The following STPG2 variants were observed in gnomAD, a reference collection of about 807,000 sequenced individuals.
STPG2 encodes sperm-tail PG-rich repeat-containing protein 2.
A neutral mutation model predicts 54.2 loss-of-function variants in STPG2; 56 were observed. The observed-to-expected ratio is 1.03, with a 90% confidence interval of 0.83 to 1.29. The LOEUF (loss-of-function observed/expected upper bound fraction) is 1.29. Ranked by LOEUF, STPG2 falls within the 50% of genes most tolerant of loss-of-function variation. The probability of loss-of-function intolerance (pLI) is 0.00; values close to 1 mark genes in which losing one functional copy is unlikely to be tolerated. For synonymous variants in STPG2, 200 were observed against 181.8 expected (o/e 1.10, Z -0.81); for missense variants, 596 against 544.9 (o/e 1.09, Z -0.93).
At chr4:97,464,726 T>C (rs1184578330) in intron 4 of STPG2, among the ~76,000 whole-genome samples, 1 of 152,166 alleles carries the variant, frequency 6.6e-6, no homozygotes, top group Non-Finnish European at 1.5e-5. Flanking sequence ...GCCTGGTACA[T>C]GTCACCATAT....
intron 4 of STPG2, among the ~76,000 whole-genome samples, chr4:97,544,401 A>C (rs1269483502): frequency 6.6e-6 from 1 of 152,054 alleles, no homozygotes; most frequent in East Asian, 1.9e-4. Context: ...TAAAAAATGG[A>C]CCATAGGAAT....
intron 8 of STPG2, among the ~76,000 whole-genome samples, chr4:97,862,584 C>A (rs1403913727): frequency 6.6e-6 from 1 of 152,054 alleles, no homozygotes; most frequent in South Asian, 2.1e-4. Context: ...TTCAGCTCTG[C>A]ACCAAGCAGA....
chr4:98,134,597 T>G (rs975142163), intron 1 of STPG2, 138 bp from the exon 2 acceptor site: 6 of 358,068 alleles, frequency 1.7e-5, no homozygotes, highest in African/African-American at 1.3e-4. Flanking sequence ...TCAGAGAAGT[T>G]ATTACATTTT....
At chr4:97,442,228 T>G (rs1370701478) in intron 4 of STPG2, among the ~76,000 whole-genome samples, 1 of 145,448 alleles carries the variant, frequency 6.9e-6, no homozygotes, top group African/African-American at 2.6e-5. Context: ...TTTTTTTTTG[T>G]TTTTTTTTTA....
chr4:97,642,115 T>C (rs1364356125), intron 10 of STPG2, among the ~76,000 whole-genome samples: 1 of 151,428 alleles, frequency 6.6e-6, no homozygotes, highest in African/African-American at 2.4e-5. Flanking sequence ...CTATGCAACA[T>C]AAACAGATCC....
chr4:97,765,912 T>C (rs1030032021), intron 9 of STPG2, among the ~76,000 whole-genome samples: 3 of 152,100 alleles, frequency 2.0e-5, no homozygotes, highest in Non-Finnish European at 4.4e-5. Context: ...AGTATTCTTA[T>C]CATGTCAAAT....
At chr4:97,466,973 C>A (rs895114295) in intron 4 of STPG2, among the ~76,000 whole-genome samples, 1 of 151,724 alleles carries the variant, frequency 6.6e-6, no homozygotes, top group East Asian at 1.9e-4. Context: ...TAGTCAAAAC[C>A]GACAAATGTG....
chr4:97,933,459 A>G (rs1732626622), intron 8 of STPG2, among the ~76,000 whole-genome samples: 2 of 152,090 alleles, frequency 1.3e-5, no homozygotes, highest in Non-Finnish European at 2.9e-5. Context: ...CCAGAATGTT[A>G]TTGCCTAGAT....
At chr4:98,020,282 G>T (rs1213574419) in intron 5 of STPG2, among the ~76,000 whole-genome samples, 1 of 130,990 alleles carries the variant, frequency 7.6e-6, no homozygotes, top group African/African-American at 3.0e-5. Flanking sequence ...TAATCATGTG[G>T]TTTTTGTCTT....
At chr4:97,578,583 A>C (rs566447668) in intron 10 of STPG2, among the ~76,000 whole-genome samples, 1 of 151,926 alleles carries the variant, frequency 6.6e-6, no homozygotes, top group East Asian at 1.9e-4. Context: ...ACTTGGTGTG[A>C]AAACAAACCC....
intron 10 of STPG2, among the ~76,000 whole-genome samples, chr4:97,584,116 C>A (rs760161170): frequency 4.0e-5 from 6 of 151,884 alleles, no homozygotes; most frequent in Admixed American, 6.6e-5. Context: ...CCCCAAGATA[C>A]ACCACATGAT....
chr4:98,101,028 T>C (rs556390515), intron 5 of STPG2, among the ~76,000 whole-genome samples: 1 of 150,774 alleles, frequency 6.6e-6, no homozygotes, highest in African/African-American at 2.4e-5. Flanking sequence ...GTTATTTTCC[T>C]TGGACCTTTA....
intron 10 of STPG2, among the ~76,000 whole-genome samples, chr4:97,567,416 A>T (rs1732481610): frequency 6.7e-6 from 1 of 149,564 alleles, no homozygotes; most frequent in Admixed American, 6.7e-5. Context: ...GCAATATCTA[A>T]CAATACTATA....
rs144076057 is a variant in STPG2 at position 97,618,081 on chromosome 4, A to G, written c.1321-58964T>C. On this transcript the variant is annotated intron_variant, in intron 10 of 10. Transcript: ENST00000295268. ...TGCAATATGAACTTGTCAATCCTCC[A>G]CTGAGTTGGAGTTTAACTTCCCTGC... 5.8e-3 allele frequency among the ~76,000 whole-genome samples: 882 copies of G among 152,212 alleles called. 6 individuals carry two copies. Among genetic ancestry groups the G allele is most frequent in the Non-Finnish European group, 8.7e-3 (589 of 68,002 alleles).
chr4:98,129,340 T>C (rs1369710556), intron 2 of STPG2, among the ~76,000 whole-genome samples: 1 of 152,214 alleles, frequency 6.6e-6, no homozygotes, highest in Non-Finnish European at 1.5e-5. Context: ...CCTTCCCAGC[T>C]CCTGACTTTT....
intron 5 of STPG2, among the ~76,000 whole-genome samples, chr4:98,018,631 C>T (rs1179847327): frequency 6.6e-6 from 1 of 152,044 alleles, no homozygotes; most frequent in East Asian, 1.9e-4. Flanking sequence ...TATAGTCCCA[C>T]CAACAGTGTA....
intron 4 of STPG2, among the ~76,000 whole-genome samples, chr4:97,543,040 G>A (rs954636349): frequency 6.6e-6 from 1 of 151,896 alleles, no homozygotes; most frequent in Non-Finnish European, 1.5e-5. Context: ...GAGTTAATGG[G>A]TGCAGCACAC....
intron 10 of STPG2, among the ~76,000 whole-genome samples, chr4:97,634,151 G>A (rs551785221): frequency 2.6e-4 from 39 of 152,256 alleles, no homozygotes; most frequent in Admixed American, 5.9e-4. Flanking sequence ...ATCTGAGAAC[G>A]GGCAGACTGC....
intron 4 of STPG2, among the ~76,000 whole-genome samples, chr4:97,463,032 C>T (rs1235924684): frequency 3.3e-5 from 5 of 151,986 alleles, no homozygotes; most frequent in Non-Finnish European, 7.4e-5. Flanking sequence ...AAATTTTATC[C>T]TTTTATTTCT....
Sources: allele counts gnomAD v4.1 joint callset (sites outside exome capture counted in the v4.1 genomes callset), GRCh38; gene constraint gnomAD v4.1.1; transcripts MANE v1.5; gene names NCBI Gene and HGNC (gene_info 2026-07-23, HGNC 2026-07-21).